PNPLA3: variants seen among roughly 807,000 people sequenced by gnomAD.
PNPLA3 encodes the protein 1-acylglycerol-3-phosphate O-acyltransferase PNPLA3.
A neutral mutation model predicts 43.1 loss-of-function variants in PNPLA3; 42 were observed. The observed-to-expected ratio is 0.97, with a 90% CI of 0.76 to 1.26. The LOEUF is 1.26. PNPLA3 is among the 50% of genes most tolerant of loss of function. The probability of loss-of-function intolerance (pLI) is 0.00; values close to 1 mark genes in which losing one functional copy is unlikely to be tolerated. For synonymous variants in PNPLA3, 272 were observed against 253.6 expected (o/e 1.07, Z -0.69); for missense variants, 647 against 621.4 (o/e 1.04, Z -0.44).
At chr22:43,935,690 G>A (rs539368898) in intron 5 of PNPLA3, among the ~76,000 whole-genome samples, 10 of 152,132 alleles carry the variant, frequency 6.6e-5, no homozygotes, top group Non-Finnish European at 1.3e-4. Flanking sequence ...ACTAAGAGAT[G>A]GCTGGAAGTG....
chr22:43,939,404 CA>C, intron 6 of PNPLA3: 1 of 981,880 alleles, frequency 1.0e-6, no homozygotes, highest in South Asian at 4.7e-5. Flanking sequence ...TGGCGACTTC[CA>C]AACATATTTG....
rs998829793 is a variant in PNPLA3 at position 43,946,879 on chromosome 22, C to T, written c.*497C>T. The stretch of plus-strand genomic sequence containing the variant: ...TCAGGTGGTCTGCAAAGATGATAAC[C>T]TTGACTACTAAAAACGTCTCCATGG... On this transcript the variant is annotated 3_prime_UTR_variant, in exon 9 of 9. Transcript: ENST00000216180. 2.5e-5 allele frequency: 9 copies of T among 358,508 alleles called. No homozygotes were observed. Among genetic ancestry groups the T allele is most frequent in the Non-Finnish European group, 4.4e-5 (8 of 182,280 alleles). The allele number at this position is 358,508 out of a possible 1,614,324, so 22.2% of individuals were successfully genotyped here. A position where few individuals can be genotyped will look rare whatever the true frequency, so the allele number is the denominator to read the frequency against.
At chr22:43,925,900 G>C (rs1488123213) in intron 1 of PNPLA3, among the ~76,000 whole-genome samples, 1 of 152,204 alleles carries the variant, frequency 6.6e-6, no homozygotes, top group Non-Finnish European at 1.5e-5. Flanking sequence ...GGTATAGAAA[G>C]GATTCCTTAC....
intron 4 of PNPLA3, among the ~76,000 whole-genome samples, chr22:43,933,620 C>T (rs1473124342): frequency 3.9e-5 from 6 of 152,288 alleles, no homozygotes; most frequent in Admixed American, 1.3e-4. Flanking sequence ...GCGATCCTCC[C>T]ACCCCAGCCT....
chr22:43,937,680 C>T (rs1460401170), intron 6 of PNPLA3, among the ~76,000 whole-genome samples: 1 of 152,152 alleles, frequency 6.6e-6, no homozygotes, highest in Non-Finnish European at 1.5e-5. Flanking sequence ...GGGACTTGGC[C>T]TATTACTCGG....
Position 43,937,223 on chromosome 22 carries a change from G to C in PNPLA3, c.930G>C (p.Leu310=). The change falls in exon 6 of 9, where the codon CTG becomes CTC. Residue 310 remains leucine (L), a synonymous_variant. Transcript: ENST00000216180. ...TAGACCACCTGCGTCTCAGCATCCT[G>C]CCCTGGGATGAGAGCATCCTGGACA... The part of the protein sequence containing the change: ...ELLDHLRLSI[L]PWDESILDTL... 6.2e-7 allele frequency: 1 copy of C among 1,614,102 alleles called. No homozygotes were observed. Among genetic ancestry groups the C allele is most frequent in the East Asian group, 2.2e-5 (1 of 44,882 alleles).
intron 5 of PNPLA3, among the ~76,000 whole-genome samples, chr22:43,936,784 C>G (rs1253923166): frequency 6.6e-6 from 1 of 152,186 alleles, no homozygotes; most frequent in Non-Finnish European, 1.5e-5. Flanking sequence ...AACACTAACC[C>G]TCGCCTTTGC....
chr22:43,925,340 G>GGT (rs549168471), intron 1 of PNPLA3, among the ~76,000 whole-genome samples: 67 of 152,266 alleles, frequency 4.4e-4, no homozygotes, highest in African/African-American at 1.5e-3. Flanking sequence ...GAACTACTGG[G>GGT]GTGTGGTATG....
chr22:43,932,886 G>T lies in PNPLA3; in HGVS notation c.495G>T (p.Val165=). The change falls in exon 4 of 9, where the codon GTG becomes GTT. Residue 165 remains valine, a synonymous_variant. Transcript: ENST00000216180. ...TTCCCCTTCTTTAAAAGCGATATGTGGATGGAGGAGTGAGTGACAACGTAC... is the reference window on the plus strand; with the variant it reads ...TTCCCCTTCTTTAAAAGCGATATGTTGATGGAGGAGTGAGTGACAACGTAC... The part of the protein sequence containing the change: ...IPPSFRGVRY[V]DGGVSDNVPF... The T allele has an allele frequency of 6.2e-7, 1 of 1,614,098 alleles. No individual in the cohort carries two copies. Among genetic ancestry groups the T allele is most frequent in the Non-Finnish European group, 8.5e-7 (1 of 1,179,960 alleles).
At position 43,924,094 on chromosome 22, in the gene PNPLA3, G is replaced by T; in HGVS notation, c.183G>T (p.Pro61=). The T allele has an allele frequency of 6.4e-7, 1 of 1,551,592 alleles. No homozygotes were observed. Among genetic ancestry groups the T allele is most frequent in the Non-Finnish European group, 8.6e-7 (1 of 1,158,764 alleles). ...GCGTCGGCGTCCTCTCCGGTATCCC[G>T]CTGGGTGCGTCTGGGGACGCTGCCC... ...LHCVGVLSGI[P]LEQTLQVLSD... Residue 61 remains proline (P), a synonymous_variant, in exon 1 of 9, where the codon CCG becomes CCT. Coordinates refer to ENST00000216180, the MANE Select transcript of PNPLA3 (RefSeq NM_025225.3).
chr22:43,945,042 T>G (rs2294916), intron 8 of PNPLA3, among the ~76,000 whole-genome samples: 31,099 of 152,026 alleles, frequency 0.2, 3,707 homozygotes, highest in East Asian at 0.4. Context: ...TCTCTTTGAG[T>G]GCAGCATTGA....
intron 1 of PNPLA3, chr22:43,924,316 G>C: frequency 1.7e-6 from 1 of 573,086 alleles, no homozygotes; most frequent in Non-Finnish European, 2.9e-6. Context: ...AGCGGTCCGG[G>C]CCGAAGCCTG....
At position 43,923,843 on chromosome 22, in the gene PNPLA3, T is replaced by C. The variant is rs916837240; in HGVS notation, c.-69T>C. On this transcript the variant is annotated 5_prime_UTR_variant, in exon 1 of 9. Coordinates refer to ENST00000216180, the MANE Select transcript of PNPLA3 (RefSeq NM_025225.3). The stretch of plus-strand genomic sequence containing the variant: ...GGGCGCCGGGCGGAGCTGCTGCGGA[T>C]CAGGACCCGAGCCGATTCCCGATCC... 208 of 1,391,244 alleles carry C rather than the reference T, an allele frequency of 1.5e-4. No homozygotes were observed. The highest frequency in any genetic ancestry group is 1.1e-3 in the Middle Eastern group (5 of 4,612). 86.2% of individuals were successfully genotyped at this position (1,391,244 alleles called of 1,614,324 possible).
chr22:43,934,331 A>AG (rs2049980943), intron 4 of PNPLA3, among the ~76,000 whole-genome samples: 1 of 139,292 alleles, frequency 7.2e-6, no homozygotes, highest in Non-Finnish European at 1.6e-5. Flanking sequence ...AAAAAAAAAA[A>AG]AAAAAGAAAA....
At chr22:43,941,653 G>A (rs926633) in intron 7 of PNPLA3, among the ~76,000 whole-genome samples, 30,838 of 152,030 alleles carry the variant, frequency 0.2, 3,649 homozygotes, top group East Asian at 0.4. Flanking sequence ...TGGGCATTAG[G>A]CCAGGGCACT....
rs905469057 is a variant in PNPLA3 at position 43,938,902 on chromosome 22, C to A, written c.980-1091C>A. On this transcript the variant is annotated intron_variant, in intron 6 of 8. Coordinates refer to ENST00000216180, the MANE Select transcript of PNPLA3 (RefSeq NM_025225.3). Reference sequence around the variant, plus strand: ...ACCTAGGAGAACATAGATGCTGTGACGTTTGATGTAGCTGTTTTTTGTTTT... The same window carrying A: ...ACCTAGGAGAACATAGATGCTGTGAAGTTTGATGTAGCTGTTTTTTGTTTT... Among the ~76,000 whole-genome samples the A allele has an allele frequency of 2.0e-5, 3 of 152,132 alleles. No individual in the cohort carries two copies. The East Asian group carries it at 5.8e-4, about 29-fold the overall frequency.
In PNPLA3 at chr22:43,924,067, C is replaced by A; in HGVS notation, c.156C>A (p.His52Gln). 6.4e-7 allele frequency: 1 copy of A among 1,573,014 alleles called. No individual in the cohort carries two copies. The highest frequency in any genetic ancestry group is 8.6e-7 in the Non-Finnish European group (1 of 1,169,036). ...TCGGCGCTTCGGCCGGGGCGTTGCA[C>A]TGCGTCGGCGTCCTCTCCGGTATCC... is the stretch of plus-strand genomic sequence containing the variant. ...MLFGASAGAL[H>Q]CVGVLSGIPL... Residue 52 changes from histidine to glutamine, a missense_variant, in exon 1 of 9, where the codon CAC (histidine) becomes CAA (glutamine). Transcript: ENST00000216180.
chr22:43,933,070 G>A lies in PNPLA3; in HGVS notation c.679G>A (p.Val227Ile), dbSNP rs115531341. Residue 227 changes from valine (V) to isoleucine (I), a missense_variant, in exon 4 of 9, where the codon GTC (valine) becomes ATC (isoleucine). By Grantham distance (29) the Val-to-Ile change is conservative. Transcript: ENST00000216180. ...GNLYLLSRAF[V>I]PPDLKVLGEI... ...CCTCTACCTTCTCTCGAGAGCTTTT[G>A]TCCCCCCGGATCTCAAGGTGAGTTG... 6.5e-4 allele frequency: 1,043 copies of A among 1,613,726 alleles called. 5 individuals carry two copies. In the African/African-American group the frequency reaches 0.013, roughly 20 times the overall value.
intron 3 of PNPLA3, among the ~76,000 whole-genome samples, chr22:43,931,635 C>T (rs1480394943): frequency 6.6e-6 from 1 of 152,160 alleles, no homozygotes; most frequent in East Asian, 1.9e-4. Flanking sequence ...CCTGCCTCAG[C>T]CTCCCGAGCA....
Sources: gnomAD v4.1 joint callset for allele counts (sites outside exome capture counted in the v4.1 genomes callset) on GRCh38, gnomAD v4.1.1 for gene constraint, MANE v1.5 for transcripts, NCBI Gene and HGNC (gene_info 2026-07-23, HGNC 2026-07-21) for gene names.